Variants in AGO4 observed in about 807,000 individuals in gnomAD.
AGO4 encodes the protein argonaute RISC component 4.
AGO4 carries 33 observed loss-of-function variants against 104.7 expected under a neutral mutation model. That is an observed-to-expected ratio of 0.32 (90% CI 0.24 to 0.42). AGO4 has a LOEUF of 0.42. Among genes scored for constraint, AGO4 ranks in the 10% least tolerant of loss-of-function variants. The pLI is 1.00. For synonymous variants in AGO4, 331 were observed against 364.7 expected (o/e 0.91, Z 1.05); for missense variants, 711 against 1,083.4 (o/e 0.66, Z 4.83).
At chr1:35,828,125 C>T (rs959436609) in intron 7 of AGO4, among the ~76,000 whole-genome samples, 2 of 151,912 alleles carry the variant, frequency 1.3e-5, no homozygotes, top group Admixed American at 6.6e-5. Context: ...AGAAGACATA[C>T]ATGTAAATAA....
At chr1:35,838,396 A>T (rs1644364014) in intron 13 of AGO4, among the ~76,000 whole-genome samples, 1 of 152,004 alleles carries the variant, frequency 6.6e-6, no homozygotes. Context: ...TGTGTTGTCC[A>T]GGCTGGTCTT....
chr1:35,816,444 C>G (rs1643696295), intron 1 of AGO4, among the ~76,000 whole-genome samples: 1 of 152,074 alleles, frequency 6.6e-6, no homozygotes, highest in African/African-American at 2.4e-5. Context: ...AGAGTACATA[C>G]AGTGAATAAT....
intron 12 of AGO4, 56 bp downstream of exon 12, chr1:35,834,230 T>A: frequency 7.2e-7 from 1 of 1,395,458 alleles, no homozygotes; most frequent in South Asian, 1.8e-5. Flanking sequence ...GATATAACAG[T>A]CAGGATAAGC....
rs1643919917 is a variant in AGO4, at chr1:35,822,978, A to G, written c.302A>G (p.Asp101Gly). 6.2e-7 allele frequency: 1 copy of G among 1,613,916 alleles called. No individual in the cohort carries two copies. The highest frequency in any genetic ancestry group is 8.5e-7 in the Non-Finnish European group (1 of 1,179,886). ...GCACATCCACTACCAATTGGACGGG[A>G]TAGGGTAAGTGTTAAGAGCAAGAAA... ...YTAHPLPIGR[D>G]RVDMEVTLPG... The change falls in exon 3 of 18, where the codon GAT (aspartate) becomes GGT (glycine). Residue 101 changes from aspartate (D) to glycine (G), a missense_variant. Asp to Gly is a moderately conservative substitution (Grantham distance 94). Transcript: ENST00000373210.
At chr1:35,835,203 C>T (rs146566081) in intron 12 of AGO4, among the ~76,000 whole-genome samples, 19 of 151,872 alleles carry the variant, frequency 1.3e-4, no homozygotes, top group Middle Eastern at 6.8e-3. Context: ...ACTACAGGCA[C>T]GTGCCATCAC....
At chr1:35,842,833 C>G (rs1385028464) in intron 15 of AGO4, among the ~76,000 whole-genome samples, 1 of 152,044 alleles carries the variant, frequency 6.6e-6, no homozygotes, top group Non-Finnish European at 1.5e-5. Flanking sequence ...TCCAAAACAC[C>G]TCTAATCCCC....
Position 35,831,294 on chromosome 1 carries a change from G to T in AGO4, c.849-133G>T, listed in dbSNP as rs985445842. On this transcript the variant is annotated intron_variant, in intron 7 of 17. Coordinates refer to ENST00000373210, the MANE Select transcript of AGO4 (RefSeq NM_017629.4). The stretch of plus-strand genomic sequence containing the variant: ...TGAGAATCCATTGAACCCGGGAGGC[G>T]GAGGTTGAGATCACGCCATGCACTC... 2.7e-5 allele frequency: 24 copies of T among 878,710 alleles called. No homozygotes were observed. In the African/African-American group the frequency reaches 3.6e-4, roughly 13 times the overall value. 54.4% of individuals were successfully genotyped at this position (878,710 alleles called of 1,614,324 possible). A position where few individuals can be genotyped will look rare whatever the true frequency, so the allele number is the denominator to read the frequency against.
chr1:35,812,547 G>C (rs1643543705), intron 1 of AGO4, among the ~76,000 whole-genome samples: 1 of 152,024 alleles, frequency 6.6e-6, no homozygotes, highest in East Asian at 1.9e-4. Context: ...TTTGATCCAA[G>C]TTTCTGTTTT....
intron 1 of AGO4, among the ~76,000 whole-genome samples, chr1:35,812,452 G>A (rs1643540717): frequency 6.6e-6 from 1 of 152,124 alleles, no homozygotes; most frequent in African/African-American, 2.4e-5. Context: ...AGTATATTGG[G>A]AAGAAAAAGT....
chr1:35,810,639 A>G (rs1299304981), intron 1 of AGO4, among the ~76,000 whole-genome samples: 2 of 152,136 alleles, frequency 1.3e-5, no homozygotes, highest in Non-Finnish European at 2.9e-5. Flanking sequence ...AGATGAGAAA[A>G]GTGAGGTTCA....
In AGO4 at chr1:35,825,948, G is replaced by A. The variant is rs745806087; in HGVS notation, c.648G>A (p.Arg216=). Residue 216 remains arginine, a synonymous_variant, in exon 6 of 18, where the codon CGG becomes CGA. Coordinates refer to ENST00000373210, the MANE Select transcript of AGO4 (RefSeq NM_017629.4). ...TAGTATCTGCAACTGCTTTCTACCGGGCTCAGCCTATCATTGAGTTCATGT... is the reference window on the plus strand; with the variant it reads ...TAGTATCTGCAACTGCTTTCTACCGAGCTCAGCCTATCATTGAGTTCATGT... ...NIDVSATAFY[R]AQPIIEFMCE... 6.2e-7 allele frequency: 1 copy of A among 1,614,000 alleles called. No homozygotes were observed. The highest frequency in any genetic ancestry group is 2.2e-5 in the East Asian group (1 of 44,886).
At chr1:35,820,878 C>A (rs1557554104) in intron 2 of AGO4, among the ~76,000 whole-genome samples, 1 of 152,070 alleles carries the variant, frequency 6.6e-6, no homozygotes. Flanking sequence ...TAAATAAATA[C>A]TCTGTGTGTT....
chr1:35,807,924 C>T (rs1643346253), upstream of AGO4, among the ~76,000 whole-genome samples: 1 of 151,974 alleles, frequency 6.6e-6, no homozygotes, highest in Admixed American at 6.5e-5. Flanking sequence ...CGTTGGCCAC[C>T]GGACGGCCTC....
intron 5 of AGO4, 29 bp downstream of exon 5, chr1:35,825,844 C>T: frequency 6.3e-7 from 1 of 1,592,504 alleles, no homozygotes; most frequent in Non-Finnish European, 8.5e-7. Context: ...TATCCAATAA[C>T]TCTTTGGGCT....
In AGO4 at chr1:35,853,587, C is replaced by A. The variant is rs1438988938; in HGVS notation, c.2568C>A (p.His856Gln). 8.1e-6 allele frequency: 13 copies of A among 1,613,892 alleles called. No homozygotes were observed. The highest frequency in any genetic ancestry group is 1.1e-5 in the South Asian group (1 of 91,028). ...KAVQIHHDTQ[H>Q]TMYFA ...TGCAAATCCACCATGATACCCAGCA[C>A]ACGATGTATTTTGCCTGAGAGTCTC... Residue 856 changes from histidine (H) to glutamine (Q), a missense_variant, in exon 18 of 18, where the codon CAC becomes CAA. By Grantham distance (24) the His-to-Gln change is conservative. This residue lies in a region of AGO4 where 401 missense variants were observed against 665.5 expected (regional missense o/e 0.60). Coordinates refer to ENST00000373210, the MANE Select transcript of AGO4 (RefSeq NM_017629.4).
chr1:35,845,687 A>C (rs1302053663), intron 15 of AGO4, among the ~76,000 whole-genome samples: 1 of 151,486 alleles, frequency 6.6e-6, no homozygotes, highest in Non-Finnish European at 1.5e-5. Context: ...GCCCCAATCT[A>C]CTCTTCAGCT....
chr1:35,830,379 TTACA>T (rs1450102203), intron 7 of AGO4, among the ~76,000 whole-genome samples: 1 of 152,194 alleles, frequency 6.6e-6, no homozygotes, highest in African/African-American at 2.4e-5. Flanking sequence ...TACACTCATT[TTACA>T]TAAAGTTATC....
intron 15 of AGO4, among the ~76,000 whole-genome samples, chr1:35,842,254 G>GAC: frequency 6.6e-6 from 1 of 152,020 alleles, no homozygotes; most frequent in Non-Finnish European, 1.5e-5. Flanking sequence ...ATTACCACCT[G>GAC]AGCTCTGCCT....
upstream of AGO4, among the ~76,000 whole-genome samples, chr1:35,807,870 CT>C (rs1246724684): frequency 6.6e-6 from 1 of 152,112 alleles, no homozygotes; most frequent in Non-Finnish European, 1.5e-5. Flanking sequence ...GAATCCAGAT[CT>C]TTTGCAGGAC....
Sources: gnomAD v4.1 joint callset for allele counts (sites outside exome capture counted in the v4.1 genomes callset) on GRCh38, gnomAD v4.1.1 for gene constraint, gnomAD v4.1.1 regional missense constraint, MANE v1.5 for transcripts, NCBI Gene and HGNC (gene_info 2026-07-23, HGNC 2026-07-21) for gene names.